Variants in CPNE4 observed in about 807,000 individuals in gnomAD.
The protein encoded by CPNE4 is copine-4.
Under a neutral mutation model 67.9 loss-of-function variants are expected in CPNE4, and 25 were observed. That is an observed-to-expected ratio of 0.37 (90% CI 0.27 to 0.51). The LOEUF (loss-of-function observed/expected upper bound fraction) is 0.51, where lower values mean the gene tolerates loss of function less well. Among genes scored for constraint, CPNE4 ranks in the 20% least tolerant of loss-of-function variants. The pLI is 0.93. For missense variants in CPNE4, 464 were observed against 690.8 expected (o/e 0.67, Z 3.68); for synonymous variants, 242 against 244.9 (o/e 0.99, Z 0.11).
At chr3:131,561,343 G>C (rs1003444678) in intron 11 of CPNE4, among the ~76,000 whole-genome samples, 5 of 151,172 alleles carry the variant, frequency 3.3e-5, no homozygotes, top group Non-Finnish European at 7.4e-5. Context: ...GGGCCTGTGT[G>C]TGTGTGTGTG....
intron 2 of CPNE4, among the ~76,000 whole-genome samples, chr3:131,728,515 G>C (rs914132900): frequency 6.6e-6 from 1 of 152,176 alleles, no homozygotes; most frequent in Non-Finnish European, 1.5e-5. Flanking sequence ...GGAACTGATA[G>C]GGAAAGTCAA....
intron 7 of CPNE4, among the ~76,000 whole-genome samples, chr3:131,617,748 T>C (rs916961521): frequency 7.9e-5 from 12 of 152,206 alleles, no homozygotes; most frequent in Non-Finnish European, 1.6e-4. Context: ...TCCACTGGGT[T>C]ATATACGGGT....
intron 2 of CPNE4, among the ~76,000 whole-genome samples, chr3:131,736,082 T>C (rs1184155045): frequency 2.6e-5 from 4 of 152,152 alleles, no homozygotes; most frequent in African/African-American, 9.7e-5. Flanking sequence ...CTCTCCACAG[T>C]TAAGTAGGGC....
At chr3:131,952,189 G>C (rs965836240) in intron 1 of CPNE4, among the ~76,000 whole-genome samples, 1 of 149,472 alleles carries the variant, frequency 6.7e-6, no homozygotes, top group African/African-American at 2.5e-5. Flanking sequence ...CATCGTCTGA[G>C]ATGTGGGGAG....
chr3:131,866,511 A>G (rs1299335742), intron 2 of CPNE4, among the ~76,000 whole-genome samples: 1 of 152,222 alleles, frequency 6.6e-6, no homozygotes, highest in Non-Finnish European at 1.5e-5. Flanking sequence ...AGGTTTGCTC[A>G]GGCTTGTTTG....
At chr3:131,981,398 C>T (rs115855334) in intron 1 of CPNE4, among the ~76,000 whole-genome samples, 5,367 of 152,060 alleles carry the variant, frequency 0.035, 140 homozygotes, top group Admixed American at 0.052. Flanking sequence ...GTGAGATTCC[C>T]AAGTCACTGG....
intron 2 of CPNE4, among the ~76,000 whole-genome samples, chr3:131,768,857 C>G (rs2083091369): frequency 6.6e-6 from 1 of 152,132 alleles, no homozygotes; most frequent in African/African-American, 2.4e-5. Context: ...ACCTCCAACT[C>G]TCTTAAAGTG....
At chr3:131,596,725 A>T (rs1938901329) in intron 7 of CPNE4, among the ~76,000 whole-genome samples, 1 of 151,654 alleles carries the variant, frequency 6.6e-6, no homozygotes, top group Non-Finnish European at 1.5e-5. Context: ...TAAAAGCAGC[A>T]CTGAGGCTTT....
At chr3:131,942,421 CGTGTGTGTGTGTGTGTGTGTGTGTGT>C (rs745460930) in intron 1 of CPNE4, among the ~76,000 whole-genome samples, 1 of 89,708 alleles carries the variant, frequency 1.1e-5, no homozygotes, top group Non-Finnish European at 2.2e-5. Context: ...CTAGCTTCCT[CGTGTGTGTGTGTGTGTGTGTGTGTGT>C]GTGTGTGTGT....
chr3:132,015,515 T>A (rs1583600586), intron 1 of CPNE4, among the ~76,000 whole-genome samples: 1 of 150,862 alleles, frequency 6.6e-6, no homozygotes. Context: ...ACATACACAC[T>A]CACACACACA....
intron 1 of CPNE4, among the ~76,000 whole-genome samples, chr3:131,959,772 G>A (rs1225070): frequency 0.067 from 10,106 of 151,928 alleles, 453 homozygotes; most frequent in Admixed American, 0.14. Context: ...CCCCTTACTC[G>A]CCCCACTCCC....
chr3:131,791,860 C>T (rs113551082), intron 2 of CPNE4, among the ~76,000 whole-genome samples: 3 of 152,166 alleles, frequency 2.0e-5, no homozygotes, highest in African/African-American at 7.2e-5. Context: ...CCCAACCCCA[C>T]GGCCACTTGG....
At chr3:132,019,101 C>T (rs200775630) in intron 1 of CPNE4, among the ~76,000 whole-genome samples, 1 of 144,484 alleles carries the variant, frequency 6.9e-6, no homozygotes, top group African/African-American at 2.6e-5. Context: ...GAAAAGATTT[C>T]CTTTATTACC....
intron 2 of CPNE4, among the ~76,000 whole-genome samples, chr3:131,801,131 G>C (rs1415256714): frequency 1.3e-5 from 2 of 151,708 alleles, no homozygotes; most frequent in Non-Finnish European, 2.9e-5. Flanking sequence ...CTCATGGGTA[G>C]CCTCCATCAT....
chr3:131,998,555 G>C (rs1041986702), intron 1 of CPNE4, among the ~76,000 whole-genome samples: 1 of 152,078 alleles, frequency 6.6e-6, no homozygotes, highest in Non-Finnish European at 1.5e-5. Context: ...ACGTGTTTGA[G>C]GAATTGGATT....
At chr3:131,859,645 T>G (rs777831712) in intron 2 of CPNE4, among the ~76,000 whole-genome samples, 11 of 152,136 alleles carry the variant, frequency 7.2e-5, no homozygotes, top group Non-Finnish European at 1.3e-4. Flanking sequence ...CCATAAATAA[T>G]TTGCATTATA....
At chr3:131,807,269 C>T (rs1370621873) in intron 2 of CPNE4, among the ~76,000 whole-genome samples, 3 of 152,130 alleles carry the variant, frequency 2.0e-5, no homozygotes, top group Non-Finnish European at 2.9e-5. Flanking sequence ...CAAAGTCACA[C>T]GTGCCTTTGT....
intron 1 of CPNE4, among the ~76,000 whole-genome samples, chr3:131,919,369 G>A (rs79097018): frequency 0.015 from 2,244 of 152,272 alleles, 53 homozygotes; most frequent in African/African-American, 0.05. Flanking sequence ...ATGCCATATA[G>A]CAATGAAAAT....
intron 7 of CPNE4, among the ~76,000 whole-genome samples, chr3:131,669,301 T>C (rs927532155): frequency 5.9e-5 from 9 of 152,254 alleles, no homozygotes; most frequent in Admixed American, 2.0e-4. Context: ...ATAAGCTAAA[T>C]AAATGCTTCT....
Sources: gnomAD v4.1 joint callset for allele counts (sites outside exome capture counted in the v4.1 genomes callset) on GRCh38, gnomAD v4.1.1 for gene constraint, MANE v1.5 for transcripts, NCBI Gene and HGNC (gene_info 2026-07-23, HGNC 2026-07-21) for gene names.